The following CWC27 variants were observed in gnomAD, a reference collection of about 807,000 sequenced individuals.
The protein encoded by CWC27 is CWC27 spliceosome associated cyclophilin.
Under a neutral mutation model 63.6 loss-of-function variants are expected in CWC27, and 47 were observed. The ratio of observed to expected loss-of-function variants is 0.74; its 90% CI spans 0.58 to 0.94. The LOEUF is 0.94. Among genes scored for constraint, CWC27 ranks in the 40% least tolerant of loss-of-function variants. The pLI is 0.00. For missense variants in CWC27, 495 were observed against 554.3 expected, an observed-to-expected ratio of 0.89 and a Z score of 1.07; for synonymous variants, 175 against 179.8, an observed-to-expected ratio of 0.97 and a Z score of 0.22.
chr5:64,843,632 A>T (rs1443105182), intron 10 of CWC27, among the ~76,000 whole-genome samples: 1 of 152,188 alleles, frequency 6.6e-6, no homozygotes, highest in Non-Finnish European at 1.5e-5. Flanking sequence ...AGTAGGAAGA[A>T]TTATAACAGA....
chr5:64,773,937 A>T (rs900933296), intron 1 of CWC27: 3 of 152,214 alleles, frequency 2.0e-5, no homozygotes, highest in African/African-American at 7.2e-5. Flanking sequence ...ACAAGCCAGA[A>T]TTAGATTAAG....
intron 10 of CWC27, among the ~76,000 whole-genome samples, chr5:64,811,475 A>G (rs573966579): frequency 3.1e-4 from 47 of 152,200 alleles, no homozygotes; most frequent in Non-Finnish European, 5.0e-4. Flanking sequence ...TTGTGATTCT[A>G]AATTAATTAC....
At chr5:64,876,931 A>G (rs114873243) in intron 10 of CWC27, among the ~76,000 whole-genome samples, 2,545 of 152,190 alleles carry the variant, frequency 0.017, 68 homozygotes, top group African/African-American at 0.059. Flanking sequence ...TACTTCAATC[A>G]AGTAATAACG....
chr5:64,994,964 T>C (rs1284997618), intron 13 of CWC27, among the ~76,000 whole-genome samples: 2 of 152,094 alleles, frequency 1.3e-5, no homozygotes, highest in Non-Finnish European at 2.9e-5. Flanking sequence ...TTGTTAATTG[T>C]CTACTCTTAT....
At chr5:64,987,145 G>GT (rs1480784336) in intron 13 of CWC27, among the ~76,000 whole-genome samples, 1 of 151,548 alleles carries the variant, frequency 6.6e-6, no homozygotes, top group Non-Finnish European at 1.5e-5. Context: ...TTACATATCA[G>GT]TTTCCTCTTT....
intron 13 of CWC27, among the ~76,000 whole-genome samples, chr5:64,983,819 A>T (rs946675868): frequency 6.6e-6 from 1 of 151,998 alleles, no homozygotes; most frequent in Non-Finnish European, 1.5e-5. Flanking sequence ...ATTTAAATAT[A>T]TTCTTTTACT....
intron 11 of CWC27, among the ~76,000 whole-genome samples, chr5:64,920,630 GA>G (rs1157896999): frequency 1.6e-4 from 25 of 152,122 alleles, no homozygotes; most frequent in Non-Finnish European, 1.5e-5. Flanking sequence ...TTCAGTTTCA[GA>G]AATTGTTATT....
chr5:64,988,715 T>C (rs1749481869), intron 13 of CWC27, among the ~76,000 whole-genome samples: 2 of 152,024 alleles, frequency 1.3e-5, no homozygotes, highest in African/African-American at 4.8e-5. Context: ...GAGACTCTCT[T>C]GCCTCAGGCT....
At chr5:64,879,027 A>G (rs1237873825) in intron 10 of CWC27, among the ~76,000 whole-genome samples, 1 of 151,950 alleles carries the variant, frequency 6.6e-6, no homozygotes, top group Non-Finnish European at 1.5e-5. Flanking sequence ...ACCAAGTAGG[A>G]GACTGTTAAC....
chr5:64,779,748 T>TA (rs1281383065), intron 2 of CWC27, among the ~76,000 whole-genome samples: 1 of 152,170 alleles, frequency 6.6e-6, no homozygotes, highest in African/African-American at 2.4e-5. Flanking sequence ...GTAAACCCCA[T>TA]AATCCCCACA....
chr5:64,967,139 C>T (rs1397195412), intron 11 of CWC27, among the ~76,000 whole-genome samples: 1 of 151,892 alleles, frequency 6.6e-6, no homozygotes, highest in Non-Finnish European at 1.5e-5. Flanking sequence ...TACAATTACC[C>T]ATATTTGTTT....
At chr5:64,898,073 T>C (rs965915888) in intron 11 of CWC27, among the ~76,000 whole-genome samples, 3 of 152,168 alleles carry the variant, frequency 2.0e-5, no homozygotes, top group African/African-American at 7.2e-5. Flanking sequence ...TGCTTCAGAA[T>C]ACATATTATT....
intron 13 of CWC27, among the ~76,000 whole-genome samples, chr5:64,988,473 A>G (rs1749475837): frequency 6.6e-6 from 1 of 152,178 alleles, no homozygotes; most frequent in Admixed American, 6.5e-5. Context: ...TCAGGCCACA[A>G]GTTCTGATCA....
chr5:64,945,214 T>G (rs1442456745), intron 11 of CWC27, among the ~76,000 whole-genome samples: 1 of 149,150 alleles, frequency 6.7e-6, no homozygotes, highest in Non-Finnish European at 1.5e-5. Context: ...CCCAAATTGT[T>G]CTTCTCCACT....
chr5:64,910,233 C>T (rs1055344366), intron 11 of CWC27, among the ~76,000 whole-genome samples: 5 of 152,216 alleles, frequency 3.3e-5, no homozygotes, highest in African/African-American at 1.2e-4. Flanking sequence ...ACTCCAGACC[C>T]TGTTTGCCTG....
intron 1 of CWC27, among the ~76,000 whole-genome samples, chr5:64,772,284 A>T (rs1349522980): frequency 2.0e-5 from 3 of 152,128 alleles, no homozygotes; most frequent in Admixed American, 6.5e-5. Context: ...GAAAATCTAT[A>T]TATATTTGTA....
At chr5:64,962,228 C>T (rs1580751640) in intron 11 of CWC27, among the ~76,000 whole-genome samples, 3 of 152,144 alleles carry the variant, frequency 2.0e-5, no homozygotes, top group Admixed American at 6.5e-5. Context: ...ACTTTCTTCT[C>T]CTACAAATCT....
chr5:64,840,390 AAAAAATATATATATATATATATAT>A (rs1261555861), intron 10 of CWC27, among the ~76,000 whole-genome samples: 3 of 29,832 alleles, frequency 1.0e-4, no homozygotes, highest in African/African-American at 4.0e-4. Flanking sequence ...AAAAAAAAAA[AAAAAATATATATATATATATATAT>A]ATATATATAT....
At chr5:64,998,479 C>T (rs1164811224) in intron 13 of CWC27, among the ~76,000 whole-genome samples, 3 of 152,092 alleles carry the variant, frequency 2.0e-5, no homozygotes, top group Admixed American at 2.0e-4. Flanking sequence ...TGTGCATTCC[C>T]CTGTTGCTAA....
Sources: gnomAD v4.1 joint callset for allele counts (sites outside exome capture counted in the v4.1 genomes callset) on GRCh38, gnomAD v4.1.1 for gene constraint, MANE v1.5 for transcripts, NCBI Gene and HGNC (gene_info 2026-07-23, HGNC 2026-07-21) for gene names.